The following DAPK2 variants were observed in gnomAD, a reference collection of about 807,000 sequenced individuals.
The protein encoded by DAPK2 is death associated protein kinase 2, also known as death-associated protein kinase 2.
In DAPK2, 35 loss-of-function variants were observed where a neutral mutation model predicts 44.1. The observed-to-expected ratio is 0.79, with a 90% CI of 0.61 to 1.05. The LOEUF is 1.05. DAPK2 is among the 50% of genes least tolerant of loss of function. The pLI is 0.00. For synonymous variants in DAPK2, 174 were observed against 182.6 expected (o/e 0.95, Z 0.38); for missense variants, 453 against 483.2 (o/e 0.94, Z 0.59).
chr15:64,001,832 T>C (rs2079092887), intron 1 of DAPK2, among the ~76,000 whole-genome samples: 1 of 152,184 alleles, frequency 6.6e-6, no homozygotes, highest in South Asian at 2.1e-4. Context: ...TTTTAGAAAA[T>C]ATTACGGCAA....
chr15:64,000,772 G>C (rs2079064077), intron 1 of DAPK2, among the ~76,000 whole-genome samples: 3 of 152,170 alleles, frequency 2.0e-5, no homozygotes, highest in Admixed American at 6.5e-5. Context: ...AGCCTGGCAA[G>C]CTGGGAATAG....
In DAPK2 at chr15:63,925,915, A is replaced by C. The variant is rs762014019; in HGVS notation, c.812+26T>G. ...GACAGGAAGGGATCAGTACCTGAGA[A>C]ACCAGTGGCTTCTCTGTCCTCTTAC... On this transcript the variant is annotated intron_variant, in intron 7 of 10. Coordinates refer to ENST00000261891, the Ensembl canonical transcript of DAPK2. The C allele has an allele frequency of 6.2e-6, 10 of 1,614,098 alleles. No individual in the cohort carries two copies. The South Asian group carries it at 9.9e-5, about 16-fold the overall frequency.
intron 1 of DAPK2, among the ~76,000 whole-genome samples, chr15:63,989,774 C>A (rs529174505): frequency 6.6e-6 from 1 of 152,254 alleles, no homozygotes; most frequent in East Asian, 1.9e-4. Flanking sequence ...TCACTGCAAC[C>A]TCCACCTCCT....
intron 1 of DAPK2, among the ~76,000 whole-genome samples, chr15:64,003,174 G>C (rs946148793): frequency 1.3e-5 from 2 of 152,108 alleles, no homozygotes; most frequent in African/African-American, 2.4e-5. Flanking sequence ...GATCTCAGGG[G>C]AGACCCCTTG....
chr15:63,922,821 T>A (rs1171944798), intron 8 of DAPK2: 14 of 1,535,784 alleles, frequency 9.1e-6, no homozygotes, highest in Admixed American at 3.9e-5. Flanking sequence ...TGGTAGAATG[T>A]GGAGCCCAGG....
In DAPK2 at chr15:63,908,698, C is replaced by T. The variant is rs930384741; in HGVS notation, c.1033-98G>A. 2.6e-5 allele frequency: 26 copies of T among 986,294 alleles called. 1 individual carries two copies. Among genetic ancestry groups the T allele is most frequent in the Middle Eastern group, 2.2e-4 (1 of 4,568 alleles). The allele number at this position is 986,294 out of a possible 1,614,324, so 61.1% of individuals were successfully genotyped here. On this transcript the variant is annotated intron_variant, in intron 10 of 10. Coordinates refer to ENST00000261891, the Ensembl canonical transcript of DAPK2. The surrounding 1 kb of genome is among the most constrained non-coding windows in gnomAD (Gnocchi z 5.7). ...AACCTGGGTTGATTCACCTGGACCA[C>T]GGGACTACAAGCCAGGGAGGTGGGT... is the stretch of plus-strand genomic sequence containing the variant.
At chr15:64,004,532 T>C (rs1473247908) in intron 1 of DAPK2, among the ~76,000 whole-genome samples, 2 of 152,216 alleles carry the variant, frequency 1.3e-5, no homozygotes, top group Non-Finnish European at 2.9e-5. Context: ...TTTAGACAAG[T>C]GTTCTGAGGA....
At chr15:63,932,057 C>T (rs1336035311) in intron 4 of DAPK2, among the ~76,000 whole-genome samples, 1 of 151,222 alleles carries the variant, frequency 6.6e-6, no homozygotes, top group African/African-American at 2.4e-5. Context: ...ACCCCAGCTA[C>T]TTGGGAGGCT....
chr15:63,922,883 C>T, intron 8 of DAPK2: 3 of 1,535,918 alleles, frequency 2.0e-6, no homozygotes, highest in Non-Finnish European at 2.6e-6. Flanking sequence ...CTCCTGAATC[C>T]ACTGCAGGTC....
At chr15:63,909,531 G>C (rs1015823888) in intron 10 of DAPK2, 1 of 152,186 alleles carries the variant, frequency 6.6e-6, no homozygotes, top group Non-Finnish European at 1.5e-5. Flanking sequence ...GCTGGGCGTG[G>C]TGGCTCATGC....
intron 3 of DAPK2, among the ~76,000 whole-genome samples, chr15:63,943,702 G>A (rs1019877114): frequency 4.2e-5 from 5 of 117,770 alleles, no homozygotes; most frequent in Non-Finnish European, 9.1e-5. Context: ...GTGAAACCCC[G>A]ACTCTACTAA....
chr15:63,957,513 C>A (rs1316230610), intron 3 of DAPK2, among the ~76,000 whole-genome samples: 4 of 114,964 alleles, frequency 3.5e-5, no homozygotes, highest in African/African-American at 1.3e-4. Context: ...CCCCTCCCCC[C>A]ACCCCATGAC....
At chr15:64,009,712 A>C (rs2079334075) in intron 1 of DAPK2, among the ~76,000 whole-genome samples, 1 of 152,052 alleles carries the variant, frequency 6.6e-6, no homozygotes. Context: ...AGTTCAGTAC[A>C]CTTAATTGTC....
chr15:63,968,245 T>C (rs890320382), intron 3 of DAPK2, among the ~76,000 whole-genome samples: 2 of 152,222 alleles, frequency 1.3e-5, no homozygotes, highest in Non-Finnish European at 2.9e-5. Context: ...CAGCTACTCA[T>C]CACTTCCTGA....
chr15:64,006,587 A>T (rs2079237274), intron 1 of DAPK2, among the ~76,000 whole-genome samples: 1 of 152,158 alleles, frequency 6.6e-6, no homozygotes, highest in South Asian at 2.1e-4. Flanking sequence ...TATACAATAA[A>T]ACTTGGCAAA....
At chr15:63,910,018 G>A (rs569036943) in intron 10 of DAPK2, among the ~76,000 whole-genome samples, 3 of 152,256 alleles carry the variant, frequency 2.0e-5, no homozygotes, top group East Asian at 1.9e-4. Flanking sequence ...GACCAAGCCC[G>A]GCTATAACAA....
chr15:63,930,570 A>G, intron 4 of DAPK2, 115 bp from the exon 6 acceptor site: 5 of 965,416 alleles, frequency 5.2e-6, no homozygotes, highest in Non-Finnish European at 8.2e-6. Flanking sequence ...CTCCAGGAAA[A>G]TTAGAGCAGC....
At chr15:63,926,782 C>A (rs1168832991) in intron 6 of DAPK2, among the ~76,000 whole-genome samples, 3 of 152,160 alleles carry the variant, frequency 2.0e-5, no homozygotes, top group Non-Finnish European at 4.4e-5. Context: ...GTGTCCAAAC[C>A]CATTCCAAGC....
At chr15:63,938,144 C>A (rs191461287) in intron 4 of DAPK2, among the ~76,000 whole-genome samples, 40 of 152,306 alleles carry the variant, frequency 2.6e-4, no homozygotes, top group African/African-American at 9.4e-4. Context: ...GTTTCTACAA[C>A]TAAATTGTAA....
Sources: gnomAD v4.1 joint callset for allele counts (sites outside exome capture counted in the v4.1 genomes callset) on GRCh38, gnomAD v4.1.1 for gene constraint, Gnocchi (gnomAD v3.1) non-coding constraint, MANE v1.5 for transcripts, NCBI Gene and HGNC (gene_info 2026-07-23, HGNC 2026-07-21) for gene names.